KCNH8: variants seen among roughly 807,000 people sequenced by gnomAD.
The protein encoded by KCNH8 is potassium voltage-gated channel subfamily H member 8.
A neutral mutation model predicts 103.6 loss-of-function variants in KCNH8; 70 were observed. The ratio of observed to expected loss-of-function variants is 0.68; its 90% CI spans 0.56 to 0.82. KCNH8 has a LOEUF of 0.82. KCNH8 is among the 40% of genes least tolerant of loss of function. KCNH8 has a pLI of 0.00. For missense variants in KCNH8, 1,217 were observed against 1,329.9 expected (o/e 0.92, Z 1.32); for synonymous variants, 498 against 489.4 (o/e 1.02, Z -0.23).
At chr3:19,213,654 T>C (rs1266055424) in intron 1 of KCNH8, among the ~76,000 whole-genome samples, 1 of 152,242 alleles carries the variant, frequency 6.6e-6, no homozygotes, top group East Asian at 1.9e-4. Flanking sequence ...TTCAGTCATC[T>C]GTTTATTGCA....
At chr3:19,483,790 T>G (rs2125216699) in intron 11 of KCNH8, among the ~76,000 whole-genome samples, 1 of 152,204 alleles carries the variant, frequency 6.6e-6, no homozygotes, top group Non-Finnish European at 1.5e-5. Context: ...CACGTTCCCC[T>G]TTTTTTCACT....
At chr3:19,153,471 T>G (rs1451202420) in intron 1 of KCNH8, among the ~76,000 whole-genome samples, 1 of 152,098 alleles carries the variant, frequency 6.6e-6, no homozygotes, top group Non-Finnish European at 1.5e-5. Flanking sequence ...ACAAAAAGTC[T>G]TTACAGAAGC....
At chr3:19,435,397 A>G (rs2067184154) in intron 7 of KCNH8, among the ~76,000 whole-genome samples, 1 of 152,186 alleles carries the variant, frequency 6.6e-6, no homozygotes, top group Non-Finnish European at 1.5e-5. Context: ...ACGAACCAAA[A>G]TGTGGGCTGT....
At chr3:19,348,010 G>C in intron 5 of KCNH8, 45 bp downstream of exon 5, 1 of 1,593,976 alleles carries the variant, frequency 6.3e-7, no homozygotes, top group Non-Finnish European at 8.6e-7. Flanking sequence ...CATATGAGAA[G>C]TGAAGTGTGT....
intron 11 of KCNH8, among the ~76,000 whole-genome samples, chr3:19,490,872 A>G (rs537573037): frequency 7.2e-4 from 109 of 152,332 alleles, no homozygotes; most frequent in African/African-American, 2.5e-3. Flanking sequence ...CACTGTAGTT[A>G]GCACAATGGA....
intron 8 of KCNH8, among the ~76,000 whole-genome samples, chr3:19,444,321 T>G (rs2067330304): frequency 6.6e-6 from 1 of 152,018 alleles, no homozygotes; most frequent in Non-Finnish European, 1.5e-5. Context: ...AAGACAACCT[T>G]GGTCCCTCTT....
At chr3:19,186,539 G>A (rs2125206401) in intron 1 of KCNH8, among the ~76,000 whole-genome samples, 1 of 152,094 alleles carries the variant, frequency 6.6e-6, no homozygotes, top group African/African-American at 2.4e-5. Flanking sequence ...CTCACATGAT[G>A]TAAGAGGTGG....
At chr3:19,349,000 GTT>G (rs1327528118) in intron 5 of KCNH8, among the ~76,000 whole-genome samples, 1 of 151,752 alleles carries the variant, frequency 6.6e-6, no homozygotes, top group East Asian at 1.9e-4. Context: ...CTTTGGATGA[GTT>G]TGTGTGCTCT....
chr3:19,199,598 TTA>T lies in KCNH8; in HGVS notation c.76+50809_76+50810del, dbSNP rs545209704. Among the ~76,000 whole-genome samples the T allele has an allele frequency of 6.7e-5, 10 of 149,718 alleles. No homozygotes were observed. The East Asian group carries it at 1.9e-3, about 29-fold the overall frequency. On this transcript the variant is annotated intron_variant, in intron 1 of 15. Transcript: ENST00000328405. ...TTATATAAATAAAATATATGATGTA[TTA>T]TATATTTTTATGTTATGTACATATA... is the stretch of plus-strand genomic sequence containing the variant.
chr3:19,280,112 C>T (rs1030078367), intron 2 of KCNH8, among the ~76,000 whole-genome samples: 5 of 151,916 alleles, frequency 3.3e-5, no homozygotes, highest in Admixed American at 6.6e-5. Flanking sequence ...AAATACAGTG[C>T]AAGATTTTTT....
chr3:19,478,069 C>G (rs146367197), intron 11 of KCNH8, among the ~76,000 whole-genome samples: 226 of 152,232 alleles, frequency 1.5e-3, no homozygotes, highest in African/African-American at 4.5e-3. Flanking sequence ...CAGTTACACC[C>G]ATGTTACTGC....
At chr3:19,411,168 T>C (rs558632394) in intron 7 of KCNH8, among the ~76,000 whole-genome samples, 15 of 152,104 alleles carry the variant, frequency 9.9e-5, no homozygotes, top group African/African-American at 2.9e-4. Context: ...TAATTCACCA[T>C]GATCAAGTAG....
chr3:19,347,759 A>G lies in KCNH8; in HGVS notation c.605A>G (p.Tyr202Cys). The G allele has an allele frequency of 6.2e-7, 1 of 1,613,166 alleles. No homozygotes were observed. Among genetic ancestry groups the G allele is most frequent in the Non-Finnish European group, 8.5e-7 (1 of 1,179,344 alleles). The change falls in exon 5 of 16, where the codon TAT (tyrosine) becomes TGT (cysteine). Residue 202 changes from tyrosine (Y) to cysteine (C), a missense_variant. By Grantham distance (194) the Tyr-to-Cys change is radical. Coordinates refer to ENST00000328405, the MANE Select transcript of KCNH8 (RefSeq NM_144633.3). ...GTAGATAAACCAGCATTTCCGGAGT[A>G]TAAAGTTTCTGATGCAAAAAAGTCC... is the stretch of plus-strand genomic sequence containing the variant. Reference protein sequence around the residue: ...VFVDKPAFPEYKVSDAKKSKF... With the variant: ...VFVDKPAFPECKVSDAKKSKF...
At chr3:19,258,947 C>CTCTCTCTCTCTATATATATA (rs1321918245) in intron 2 of KCNH8, among the ~76,000 whole-genome samples, 2 of 24,792 alleles carry the variant, frequency 8.1e-5, no homozygotes, top group Non-Finnish European at 1.6e-4. Context: ...CTCTCTCTCT[C>CTCTCTCTCTCTATATATATA]TATATATATA....
chr3:19,490,682 G>C (rs971271827), intron 11 of KCNH8, among the ~76,000 whole-genome samples: 1 of 152,158 alleles, frequency 6.6e-6, no homozygotes, highest in African/African-American at 2.4e-5. Context: ...AAGACAATAT[G>C]AGGGGTGGTC....
At chr3:19,424,773 A>G (rs1216254720) in intron 7 of KCNH8, among the ~76,000 whole-genome samples, 1 of 152,202 alleles carries the variant, frequency 6.6e-6, no homozygotes, top group East Asian at 1.9e-4. Flanking sequence ...CCTATAAAAA[A>G]GTGGGCAAAG....
At chr3:19,449,643 T>C (rs2067414262) in intron 8 of KCNH8, among the ~76,000 whole-genome samples, 1 of 152,090 alleles carries the variant, frequency 6.6e-6, no homozygotes, top group Non-Finnish European at 1.5e-5. Flanking sequence ...TAGACTTATT[T>C]CAAAAATTTA....
At chr3:19,271,702 A>G (rs1559452615) in intron 2 of KCNH8, among the ~76,000 whole-genome samples, 1 of 152,184 alleles carries the variant, frequency 6.6e-6, no homozygotes, top group Admixed American at 6.5e-5. Context: ...TATAACCAGT[A>G]TGCAGATGTG....
intron 7 of KCNH8, among the ~76,000 whole-genome samples, chr3:19,425,117 G>A (rs2067009184): frequency 1.3e-5 from 2 of 152,164 alleles, no homozygotes; most frequent in Non-Finnish European, 2.9e-5. Context: ...AAACTTGTAA[G>A]TTAAATATAC....
Sources: allele counts gnomAD v4.1 joint callset (sites outside exome capture counted in the v4.1 genomes callset), GRCh38; gene constraint gnomAD v4.1.1; transcripts MANE v1.5; gene names NCBI Gene and HGNC (gene_info 2026-07-23, HGNC 2026-07-21).